TENM2: variants seen among roughly 807,000 people sequenced by gnomAD.
TENM2 encodes teneurin transmembrane protein 2.
TENM2 carries 52 observed loss-of-function variants against 245.2 expected under a neutral mutation model. That is an observed-to-expected ratio of 0.21 (90% CI 0.17 to 0.27). TENM2 has a LOEUF of 0.27. Ranked by LOEUF, TENM2 falls within the 10% of genes least tolerant of loss-of-function variation. The pLI, the probability that TENM2 is intolerant of heterozygous loss-of-function variation, is 1.00. For synonymous variants in TENM2, 1,363 were observed against 1,438.9 expected (o/e 0.95, Z 1.19); for missense variants, 3,046 against 3,666.8 (o/e 0.83, Z 4.37).
chr5:167,873,366 CT>C (rs139693679), intron 2 of TENM2, among the ~76,000 whole-genome samples: 7,179 of 152,144 alleles, frequency 0.047, 460 homozygotes, highest in African/African-American at 0.14. Flanking sequence ...CACTTCTTCC[CT>C]TTTTTTCTCA....
intron 2 of TENM2, among the ~76,000 whole-genome samples, chr5:167,777,807 G>A (rs1763915245): frequency 6.6e-6 from 1 of 152,140 alleles, no homozygotes; most frequent in South Asian, 2.1e-4. Context: ...CCAAAGCTTA[G>A]CTCTTCATGT....
At chr5:167,853,049 G>T (rs1276751942) in intron 2 of TENM2, among the ~76,000 whole-genome samples, 2 of 150,482 alleles carry the variant, frequency 1.3e-5, no homozygotes, top group Non-Finnish European at 3.0e-5. Flanking sequence ...CACTTTGGGA[G>T]GCCGAGGCGG....
At chr5:167,697,408 T>A (rs949755874) in intron 2 of TENM2, among the ~76,000 whole-genome samples, 46 of 152,370 alleles carry the variant, frequency 3.0e-4, no homozygotes, top group African/African-American at 9.4e-4. Flanking sequence ...ATTAGTTTAA[T>A]ATCTGTTGAC....
intron 2 of TENM2, among the ~76,000 whole-genome samples, chr5:167,431,415 G>T (rs1460922893): frequency 6.6e-6 from 1 of 152,048 alleles, no homozygotes; most frequent in East Asian, 1.9e-4. Context: ...AGTAATTTGG[G>T]TATCAAGGGG....
chr5:167,963,669 T>C (rs930923428), intron 4 of TENM2, among the ~76,000 whole-genome samples: 1 of 152,340 alleles, frequency 6.6e-6, no homozygotes, highest in South Asian at 2.1e-4. Flanking sequence ...GCGTGTCTCT[T>C]TAGTCCAGTG....
intron 2 of TENM2, among the ~76,000 whole-genome samples, chr5:167,834,596 A>G (rs376070911): frequency 6.6e-6 from 1 of 151,642 alleles, no homozygotes; most frequent in African/African-American, 2.4e-5. Context: ...CATAAGTTCA[A>G]CTGCCATAAA....
intron 7 of TENM2, among the ~76,000 whole-genome samples, chr5:168,082,297 T>C (rs1185820353): frequency 6.6e-6 from 1 of 152,238 alleles, no homozygotes; most frequent in Non-Finnish European, 1.5e-5. Context: ...ATTTAAGGTC[T>C]TCTCTATGCT....
intron 12 of TENM2, chr5:168,129,486 G>A (rs2152369758): frequency 6.6e-6 from 1 of 152,258 alleles, no homozygotes; most frequent in African/African-American, 2.4e-5. Context: ...ATGTTATAAA[G>A]ATCTTTACTA....
chr5:167,430,799 C>T (rs2127441684), intron 2 of TENM2, among the ~76,000 whole-genome samples: 1 of 152,290 alleles, frequency 6.6e-6, no homozygotes, highest in South Asian at 2.1e-4. Flanking sequence ...AACAACATTT[C>T]TAATCCAAAA....
At chr5:167,314,614 C>A (rs979940656) in intron 1 of TENM2, among the ~76,000 whole-genome samples, 1 of 152,014 alleles carries the variant, frequency 6.6e-6, no homozygotes, top group Non-Finnish European at 1.5e-5. Flanking sequence ...TTAAAGATAT[C>A]GTGACAAATT....
At chr5:168,202,040 C>T (rs1224080886) in intron 17 of TENM2, among the ~76,000 whole-genome samples, 1 of 152,148 alleles carries the variant, frequency 6.6e-6, no homozygotes, top group Non-Finnish European at 1.5e-5. Context: ...GTCCTTCCAT[C>T]AAGAGGCACC....
chr5:167,318,941 G>A (rs150131578), intron 1 of TENM2, among the ~76,000 whole-genome samples: 2 of 152,316 alleles, frequency 1.3e-5, no homozygotes, highest in African/African-American at 2.4e-5. Flanking sequence ...TGAAGCAATA[G>A]GAGAGCAGTT....
At chr5:167,010,632 A>C in the TENM2 span, among the ~76,000 whole-genome samples, 1 of 152,230 alleles carries the variant, frequency 6.6e-6, no homozygotes, top group Non-Finnish European at 1.5e-5. Flanking sequence ...GATTTAGATA[A>C]GTCTATTTCA....
At chr5:167,625,517 G>A (rs982733245) in intron 2 of TENM2, among the ~76,000 whole-genome samples, 1 of 152,232 alleles carries the variant, frequency 6.6e-6, no homozygotes, top group East Asian at 1.9e-4. Context: ...AAGTGTATGT[G>A]TGATCATTTT....
rs1333837001 is a variant in TENM2 at position 168,219,127 on chromosome 5, T to C, written c.5108+128T>C. Reference sequence around the variant, plus strand: ...TCTTTCTAACTTTAATGATGTCTTATGGCCTCAAGACATTCATGTCCCCTC... The same window carrying C: ...TCTTTCTAACTTTAATGATGTCTTACGGCCTCAAGACATTCATGTCCCCTC... On this transcript the variant is annotated intron_variant, in intron 23 of 28. Transcript: ENST00000518659. 4.4e-6 allele frequency: 4 copies of C among 910,396 alleles called. No individual in the cohort carries two copies. In the African/African-American group the frequency reaches 6.7e-5, roughly 15 times the overall value. The allele number at this position is 910,396 out of a possible 1,614,324, so 56.4% of individuals were successfully genotyped here.
chr5:167,116,064 G>T, the TENM2 span, among the ~76,000 whole-genome samples: 12 of 152,206 alleles, frequency 7.9e-5, no homozygotes, highest in African/African-American at 2.2e-4. Context: ...GTTTATTTCT[G>T]CCTGGGACAG....
At chr5:167,050,326 G>A in the TENM2 span, among the ~76,000 whole-genome samples, 14 of 152,046 alleles carry the variant, frequency 9.2e-5, no homozygotes, top group Non-Finnish European at 1.5e-5. Context: ...AGGGATCTAC[G>A]TTACATGCTC....
intron 2 of TENM2, among the ~76,000 whole-genome samples, chr5:167,858,728 C>T (rs999612899): frequency 2.0e-5 from 3 of 150,786 alleles, no homozygotes; most frequent in Admixed American, 2.0e-4. Context: ...CGCGACCGAC[C>T]GCAGCCGCCG....
chr5:167,372,272 T>C lies in TENM2; in HGVS notation c.227-2926T>C, dbSNP rs552983646. ...AACTCTTAAAGTGCACTTTTTCTTT[T>C]CTAACATTTGTGGTTACTTTTTAAA... is the stretch of plus-strand genomic sequence containing the variant. On this transcript the variant is annotated intron_variant, in intron 1 of 28. Coordinates refer to ENST00000518659, the Ensembl canonical transcript of TENM2. 2.6e-5 allele frequency among the ~76,000 whole-genome samples: 4 copies of C among 152,344 alleles called. No homozygotes were observed. In the South Asian group the frequency reaches 8.3e-4, roughly 32 times the overall value.
Sources: allele counts gnomAD v4.1 joint callset (sites outside exome capture counted in the v4.1 genomes callset), GRCh38; gene constraint gnomAD v4.1.1; transcripts MANE v1.5; gene names NCBI Gene and HGNC (gene_info 2026-07-23, HGNC 2026-07-21).